ROBO2: variants seen among roughly 807,000 people sequenced by gnomAD.
The protein encoded by ROBO2 is roundabout guidance receptor 2.
A neutral mutation model predicts 160.8 loss-of-function variants in ROBO2; 53 were observed. The observed-to-expected ratio is 0.33, with a 90% CI of 0.26 to 0.41. The LOEUF (loss-of-function observed/expected upper bound fraction) is 0.41. Ranked by LOEUF, ROBO2 falls within the 10% of genes least tolerant of loss-of-function variation. ROBO2 has a pLI of 1.00. For missense variants in ROBO2, 1,577 were observed against 1,722.4 expected (o/e 0.92, Z 1.49); for synonymous variants, 664 against 611.7 (o/e 1.09, Z -1.26).
chr3:77,416,045 C>T (rs2077188350), intron 2 of ROBO2, among the ~76,000 whole-genome samples: 1 of 152,244 alleles, frequency 6.6e-6, no homozygotes, highest in African/African-American at 2.4e-5. Context: ...GTTCTTGTCC[C>T]ACAACCAAGA....
chr3:77,171,239 A>G (rs1344502051), intron 2 of ROBO2, among the ~76,000 whole-genome samples: 1 of 152,192 alleles, frequency 6.6e-6, no homozygotes, highest in Non-Finnish European at 1.5e-5. Flanking sequence ...AAGAGAGGAA[A>G]GCACTCCTGG....
intron 2 of ROBO2, among the ~76,000 whole-genome samples, chr3:76,667,839 T>C (rs1159083405): frequency 6.6e-6 from 1 of 151,816 alleles, no homozygotes; most frequent in South Asian, 2.1e-4. Context: ...TAAAAACGAC[T>C]GTAGTTATAA....
At chr3:77,620,763 G>A (rs944915100) in intron 22 of ROBO2, among the ~76,000 whole-genome samples, 7 of 152,096 alleles carry the variant, frequency 4.6e-5, no homozygotes, top group Admixed American at 1.3e-4. Context: ...AAACAAATTC[G>A]GGAAGATTAA....
intron 2 of ROBO2, among the ~76,000 whole-genome samples, chr3:75,987,392 G>T (rs2065442678): frequency 6.6e-6 from 1 of 151,798 alleles, no homozygotes; most frequent in African/African-American, 2.4e-5. Flanking sequence ...TGTTGCTTTT[G>T]TATCCTACTG....
intron 2 of ROBO2, among the ~76,000 whole-genome samples, chr3:77,166,761 C>T (rs1470139052): frequency 2.6e-5 from 4 of 152,016 alleles, no homozygotes; most frequent in Non-Finnish European, 5.9e-5. Flanking sequence ...GGTGTTTCAC[C>T]GGTTAGCCAG....
At chr3:77,051,440 C>T (rs990794080) in intron 1 of ROBO2, among the ~76,000 whole-genome samples, 2 of 152,124 alleles carry the variant, frequency 1.3e-5, no homozygotes, top group African/African-American at 4.8e-5. Context: ...TTTAAGAACC[C>T]TTTCCAGGCT....
chr3:76,566,180 C>G (rs1301993800), intron 2 of ROBO2, among the ~76,000 whole-genome samples: 1 of 152,204 alleles, frequency 6.6e-6, no homozygotes, highest in African/African-American at 2.4e-5. Flanking sequence ...AAGGGACCTT[C>G]TAAAGGAATG....
intron 2 of ROBO2, among the ~76,000 whole-genome samples, chr3:76,062,240 C>T (rs1427176872): frequency 6.6e-6 from 1 of 152,000 alleles, no homozygotes; most frequent in Non-Finnish European, 1.5e-5. Flanking sequence ...TTTTTGGGTG[C>T]AACAGTAAAA....
At chr3:76,344,642 G>A (rs1031912270) in intron 2 of ROBO2, among the ~76,000 whole-genome samples, 3 of 152,096 alleles carry the variant, frequency 2.0e-5, no homozygotes, top group Non-Finnish European at 4.4e-5. Flanking sequence ...AAAAGAAGAG[G>A]AACAAATGTC....
intron 2 of ROBO2, among the ~76,000 whole-genome samples, chr3:76,065,775 A>T (rs1477637957): frequency 3.3e-5 from 5 of 150,300 alleles, no homozygotes; most frequent in Non-Finnish European, 5.9e-5. Flanking sequence ...ACACACATAT[A>T]TGCTGCCATT....
intron 2 of ROBO2, among the ~76,000 whole-genome samples, chr3:77,181,658 C>T (rs576087919): frequency 1.3e-4 from 20 of 152,058 alleles, no homozygotes; most frequent in African/African-American, 3.4e-4. Context: ...TAAAATGTTT[C>T]GCTTGAAAAT....
chr3:76,113,218 T>A (rs1270585299), intron 2 of ROBO2, among the ~76,000 whole-genome samples: 2 of 152,090 alleles, frequency 1.3e-5, no homozygotes, highest in African/African-American at 4.8e-5. Flanking sequence ...AAAAAATGGA[T>A]GTGAGGAAAA....
At chr3:76,149,384 C>T (rs1426770148) in intron 2 of ROBO2, among the ~76,000 whole-genome samples, 1 of 152,086 alleles carries the variant, frequency 6.6e-6, no homozygotes. Flanking sequence ...CTCCTTGATC[C>T]CTTTGATCTA....
At chr3:76,268,519 C>T (rs922017840) in intron 2 of ROBO2, among the ~76,000 whole-genome samples, 2 of 152,156 alleles carry the variant, frequency 1.3e-5, no homozygotes, top group Admixed American at 1.3e-4. Context: ...CTTGTTGTGT[C>T]CTCACATGGT....
At chr3:76,526,347 T>G (rs376613366) in intron 2 of ROBO2, among the ~76,000 whole-genome samples, 1 of 152,226 alleles carries the variant, frequency 6.6e-6, no homozygotes, top group East Asian at 1.9e-4. Context: ...TTTAATTAAG[T>G]TTAGCTTCAT....
chr3:77,469,551 T>C (rs1323420491), intron 2 of ROBO2, among the ~76,000 whole-genome samples: 1 of 152,184 alleles, frequency 6.6e-6, no homozygotes, highest in Admixed American at 6.5e-5. Context: ...GTTTTTTCTC[T>C]TAGTCCATTG....
At chr3:76,024,723 G>A (rs933248444) in intron 2 of ROBO2, among the ~76,000 whole-genome samples, 1 of 151,522 alleles carries the variant, frequency 6.6e-6, no homozygotes, top group African/African-American at 2.4e-5. Flanking sequence ...TTCTAATGTT[G>A]CATGGCATAA....
chr3:76,318,307 G>C (rs151225883), intron 2 of ROBO2, among the ~76,000 whole-genome samples: 9 of 152,000 alleles, frequency 5.9e-5, no homozygotes, highest in African/African-American at 2.2e-4. Context: ...GTTGGGAAGC[G>C]TATGTTCTTT....
intron 2 of ROBO2, among the ~76,000 whole-genome samples, chr3:76,344,524 T>C (rs1439806491): frequency 1.3e-5 from 2 of 152,138 alleles, no homozygotes; most frequent in Non-Finnish European, 2.9e-5. Flanking sequence ...ACTCCAAAAC[T>C]CAGAAGTCGG....
Sources: gnomAD v4.1 joint callset for allele counts (sites outside exome capture counted in the v4.1 genomes callset) on GRCh38, gnomAD v4.1.1 for gene constraint, MANE v1.5 for transcripts, NCBI Gene and HGNC (gene_info 2026-07-23, HGNC 2026-07-21) for gene names.